The following SNX29 variants were observed in gnomAD, a reference collection of about 807,000 sequenced individuals.
SNX29 encodes sorting nexin-29.
SNX29 carries 78 observed loss-of-function variants against 102.1 expected under a neutral mutation model. The observed-to-expected ratio is 0.76, with a 90% CI of 0.64 to 0.92. The LOEUF (loss-of-function observed/expected upper bound fraction) is 0.92. SNX29 is among the 40% of genes least tolerant of loss of function. The pLI, the probability that SNX29 is intolerant of heterozygous loss-of-function variation, is 0.00. For synonymous variants in SNX29, 580 were observed against 414.5 expected (o/e 1.40, Z -4.85); for missense variants, 1,280 against 1,061.7 (o/e 1.21, Z -2.86).
chr16:12,390,926 G>T (rs1248464553), intron 16 of SNX29, among the ~76,000 whole-genome samples: 1 of 151,664 alleles, frequency 6.6e-6, no homozygotes, highest in African/African-American at 2.4e-5. Context: ...TTAGAATGAG[G>T]AAATAAATCG....
chr16:12,477,900 G>T, intron 19 of SNX29, 41 bp downstream of exon 19: 1 of 1,541,478 alleles, frequency 6.5e-7, no homozygotes, highest in Non-Finnish European at 8.7e-7. Context: ...CACTGCCTGC[G>T]TTAAAATGGA....
intron 11 of SNX29, among the ~76,000 whole-genome samples, chr16:12,117,017 AGTGCGG>A (rs2141307061): frequency 2.0e-5 from 3 of 151,312 alleles, no homozygotes; most frequent in South Asian, 2.1e-4. Flanking sequence ...TACGTGCTTC[AGTGCGG>A]ACGAACCATG....
chr16:12,520,398 C>T (rs1225278211), intron 19 of SNX29, among the ~76,000 whole-genome samples: 3 of 152,200 alleles, frequency 2.0e-5, no homozygotes, highest in Admixed American at 6.5e-5. Flanking sequence ...ACTGGGGAGG[C>T]TGTCCCTGCT....
intron 14 of SNX29, among the ~76,000 whole-genome samples, chr16:12,275,299 G>C (rs916205155): frequency 6.6e-6 from 1 of 152,134 alleles, no homozygotes; most frequent in Non-Finnish European, 1.5e-5. Context: ...TGGGGCTGGG[G>C]AGAGGGAAGA....
At chr16:12,553,677 G>T (rs1028184183) in intron 20 of SNX29, among the ~76,000 whole-genome samples, 1 of 148,792 alleles carries the variant, frequency 6.7e-6, no homozygotes, top group African/African-American at 2.5e-5. Context: ...TGCAACCTCC[G>T]CCTCCTGGGT....
chr16:12,261,565 T>A, intron 14 of SNX29, among the ~76,000 whole-genome samples: 2 of 106,236 alleles, frequency 1.9e-5, no homozygotes, highest in South Asian at 3.6e-4. Flanking sequence ...GCTCTGAGCT[T>A]CGGTCTGTGT....
At chr16:12,432,778 A>G (rs2085366316) in intron 18 of SNX29, among the ~76,000 whole-genome samples, 1 of 152,234 alleles carries the variant, frequency 6.6e-6, no homozygotes, top group Non-Finnish European at 1.5e-5. Context: ...ATTCTGCTAG[A>G]ATTCAATGGC....
At chr16:12,386,406 G>A (rs765218932) in intron 16 of SNX29, among the ~76,000 whole-genome samples, 16 of 152,184 alleles carry the variant, frequency 1.1e-4, no homozygotes, top group Non-Finnish European at 1.6e-4. Flanking sequence ...AGGAGGAAGC[G>A]AAGGGCAGAG....
intron 13 of SNX29, among the ~76,000 whole-genome samples, chr16:12,154,039 A>G (rs1478104191): frequency 6.6e-6 from 1 of 152,234 alleles, no homozygotes; most frequent in Non-Finnish European, 1.5e-5. Flanking sequence ...AAGAACAATT[A>G]GATGTAAAGT....
intron 18 of SNX29, among the ~76,000 whole-genome samples, chr16:12,476,401 TATATATATATA>T (rs2087626068): frequency 3.3e-4 from 6 of 18,358 alleles, no homozygotes; most frequent in Non-Finnish European, 4.7e-4. Context: ...TATATATATA[TATATATATATA>T]CATATATATA....
chr16:12,530,640 C>G (rs1355136255), intron 20 of SNX29, among the ~76,000 whole-genome samples: 1 of 151,456 alleles, frequency 6.6e-6, no homozygotes, highest in African/African-American at 2.4e-5. Flanking sequence ...ACTGCAATTT[C>G]CCTCTTCTGG....
At chr16:12,503,901 T>C (rs548207474) in intron 19 of SNX29, among the ~76,000 whole-genome samples, 1 of 152,198 alleles carries the variant, frequency 6.6e-6, no homozygotes, top group Non-Finnish European at 1.5e-5. Flanking sequence ...TTTATTAAGA[T>C]AAAATTCACA....
intron 18 of SNX29, among the ~76,000 whole-genome samples, chr16:12,476,413 C>A (rs7198687): frequency 5.1e-4 from 10 of 19,522 alleles, no homozygotes; most frequent in African/African-American, 7.7e-4. Context: ...TATATATATA[C>A]ATATATATAT....
In SNX29 at chr16:12,569,507, C is replaced by G. The variant is rs945228579; in HGVS notation, c.*878C>G. The G allele has an allele frequency of 1.3e-5, 3 of 231,626 alleles. No individual in the cohort carries two copies. Among genetic ancestry groups the G allele is most frequent in the African/African-American group, 6.6e-5 (3 of 45,258 alleles). The allele number at this position is 231,626 out of a possible 1,614,324, so 14.3% of individuals were successfully genotyped here. ...TGCAGAAGGTTCCAGGGTTTTCAAACCAGGCTCCATGACTATGAAGTTGGA... is the reference window on the plus strand; with the variant it reads ...TGCAGAAGGTTCCAGGGTTTTCAAAGCAGGCTCCATGACTATGAAGTTGGA... On this transcript the variant is annotated 3_prime_UTR_variant, in exon 21 of 21. Transcript: ENST00000566228.
chr16:12,003,233 G>A (rs947060021), intron 3 of SNX29, among the ~76,000 whole-genome samples, 190 bp downstream of exon 3: 1 of 152,134 alleles, frequency 6.6e-6, no homozygotes, highest in African/African-American at 2.4e-5. Context: ...TGCGGTGACT[G>A]CTCATCTCCA....
intron 20 of SNX29, among the ~76,000 whole-genome samples, chr16:12,566,843 G>T (rs527620906): frequency 6.6e-6 from 1 of 152,206 alleles, no homozygotes; most frequent in Non-Finnish European, 1.5e-5. Context: ...AAGGTCAAAT[G>T]TTTCTTTTTC....
chr16:12,557,968 C>G (rs188160988), intron 20 of SNX29, among the ~76,000 whole-genome samples: 4 of 151,992 alleles, frequency 2.6e-5, no homozygotes, highest in African/African-American at 4.8e-5. Context: ...TCCTGTGGGT[C>G]TTCTGCTTAA....
rs1218681065 is a variant in SNX29 at position 12,012,635 on chromosome 16, CT to C, written c.122+9593del. Among the ~76,000 whole-genome samples, 9 of 152,148 alleles carry C rather than the reference CT, an allele frequency of 5.9e-5. No individual in the cohort carries two copies. The South Asian group carries it at 1.4e-3, about 25-fold the overall frequency. Reference sequence around the variant, plus strand: ...TGTTGGCCAGGCTGGTCTTAAACTCCTGACCTCGTGATCTGCCCGCCTCGGC... The same window carrying C: ...TGTTGGCCAGGCTGGTCTTAAACTCCGACCTCGTGATCTGCCCGCCTCGGC... On this transcript the variant is annotated intron_variant, in intron 3 of 20. Transcript: ENST00000566228.
intron 14 of SNX29, among the ~76,000 whole-genome samples, chr16:12,245,534 G>C (rs569968949): frequency 6.6e-6 from 1 of 151,568 alleles, no homozygotes; most frequent in East Asian, 1.9e-4. Context: ...TTATATTTAT[G>C]GGGCAGAAGT....
Sources: gnomAD v4.1 joint callset for allele counts (sites outside exome capture counted in the v4.1 genomes callset) on GRCh38, gnomAD v4.1.1 for gene constraint, MANE v1.5 for transcripts, NCBI Gene and HGNC (gene_info 2026-07-23, HGNC 2026-07-21) for gene names.